ASIC2: variants seen among roughly 807,000 people sequenced by gnomAD.
The protein encoded by ASIC2 is acid sensing ion channel subunit 2.
A neutral mutation model predicts 57.3 loss-of-function variants in ASIC2; 25 were observed. That is an observed-to-expected ratio of 0.44 (90% CI 0.32 to 0.61). ASIC2 has a LOEUF of 0.61. Ranked by LOEUF, ASIC2 falls within the 20% of genes least tolerant of loss-of-function variation. The probability of loss-of-function intolerance (pLI) is 0.06; values close to 1 mark genes in which losing one functional copy is unlikely to be tolerated. For missense variants in ASIC2, 641 were observed against 738.1 expected (o/e 0.87, Z 1.52); for synonymous variants, 319 against 307.5 (o/e 1.04, Z -0.39).
chr17:33,369,768 T>G (rs2141937792), intron 1 of ASIC2, among the ~76,000 whole-genome samples: 1 of 152,336 alleles, frequency 6.6e-6, no homozygotes. Context: ...AAGCCAATAT[T>G]CTTTCCATTA....
chr17:34,088,989 C>G (rs1213234540), intron 1 of ASIC2, among the ~76,000 whole-genome samples: 2 of 152,218 alleles, frequency 1.3e-5, no homozygotes, highest in African/African-American at 2.4e-5. Flanking sequence ...TTGCGCTTCC[C>G]AAATGAGGCA....
At chr17:33,838,715 T>G (rs1913342884) in intron 1 of ASIC2, among the ~76,000 whole-genome samples, 1 of 152,180 alleles carries the variant, frequency 6.6e-6, no homozygotes, top group Admixed American at 6.5e-5. Flanking sequence ...ATCTCACACA[T>G]GCTCTGGATC....
intron 1 of ASIC2, among the ~76,000 whole-genome samples, chr17:33,269,607 C>A (rs868691969): frequency 2.6e-5 from 4 of 151,266 alleles, no homozygotes; most frequent in Admixed American, 6.6e-5. Context: ...AACCTAAGGG[C>A]TCCTTCCCTT....
At chr17:33,744,373 A>G (rs1291981571) in intron 1 of ASIC2, among the ~76,000 whole-genome samples, 1 of 152,240 alleles carries the variant, frequency 6.6e-6, no homozygotes, top group Non-Finnish European at 1.5e-5. Flanking sequence ...GTGTAATACC[A>G]AATCAGGAAG....
chr17:34,037,646 G>A (rs543393011), intron 1 of ASIC2: 32 of 1,609,134 alleles, frequency 2.0e-5, no homozygotes, highest in Admixed American at 1.0e-4. Flanking sequence ...GTTATTGGAC[G>A]CCCCAGAGGT....
At chr17:33,574,120 TAACTA>T (rs1916542508) in intron 1 of ASIC2, among the ~76,000 whole-genome samples, 1 of 152,224 alleles carries the variant, frequency 6.6e-6, no homozygotes, top group African/African-American at 2.4e-5. Context: ...ATCTTTGACT[TAACTA>T]AATAATACCG....
chr17:33,689,863 G>A (rs896072253), intron 1 of ASIC2, among the ~76,000 whole-genome samples: 1 of 152,204 alleles, frequency 6.6e-6, no homozygotes, highest in Admixed American at 6.5e-5. Context: ...AGCCAAGGAA[G>A]CTAAGTTGTG....
intron 1 of ASIC2, among the ~76,000 whole-genome samples, chr17:34,023,644 G>A (rs765908217): frequency 6.6e-5 from 10 of 152,118 alleles, no homozygotes; most frequent in Non-Finnish European, 1.2e-4. Flanking sequence ...TCCTCACCAT[G>A]TGAGGACCTC....
chr17:33,263,700 A>G (rs1909364078), intron 1 of ASIC2, among the ~76,000 whole-genome samples: 2 of 152,304 alleles, frequency 1.3e-5, no homozygotes, highest in Admixed American at 1.3e-4. Context: ...GTGTGCCTTC[A>G]TTACCCAGCC....
chr17:33,190,717 A>G (rs750966247), intron 1 of ASIC2, among the ~76,000 whole-genome samples: 3 of 152,216 alleles, frequency 2.0e-5, no homozygotes, highest in Non-Finnish European at 4.4e-5. Flanking sequence ...AAGTTGATCT[A>G]CATGAATAAC....
chr17:33,502,199 A>C (rs1435616487), intron 1 of ASIC2, among the ~76,000 whole-genome samples: 1 of 152,292 alleles, frequency 6.6e-6, no homozygotes, highest in Non-Finnish European at 1.5e-5. Flanking sequence ...GTGATTCTCT[A>C]TAAAAAGGGG....
chr17:34,106,219 T>C (rs77778343), intron 1 of ASIC2, among the ~76,000 whole-genome samples: 2,415 of 152,310 alleles, frequency 0.016, 73 homozygotes, highest in African/African-American at 0.055. Context: ...ATACACAATG[T>C]CCATCTTCCC....
At chr17:33,761,536 A>C (rs1994662) in intron 1 of ASIC2, among the ~76,000 whole-genome samples, 51,671 of 152,014 alleles carry the variant, frequency 0.34, 10,697 homozygotes, top group Non-Finnish European at 0.49. Flanking sequence ...CCAGTCCCAA[A>C]TGGAATGGAG....
At chr17:33,133,138 C>T (rs2092353976) in intron 1 of ASIC2, among the ~76,000 whole-genome samples, 1 of 152,162 alleles carries the variant, frequency 6.6e-6, no homozygotes, top group African/African-American at 2.4e-5. Context: ...TCAGCTCTCA[C>T]CTGAGCGATC....
intron 1 of ASIC2, among the ~76,000 whole-genome samples, chr17:33,436,062 G>C (rs1415569400): frequency 6.6e-6 from 1 of 152,266 alleles, no homozygotes. Context: ...TGATGACAGT[G>C]AGAAAAACCT....
intron 1 of ASIC2, among the ~76,000 whole-genome samples, chr17:33,498,516 G>T (rs1389574080): frequency 1.3e-5 from 2 of 152,208 alleles, no homozygotes; most frequent in Admixed American, 1.3e-4. Context: ...TGAGGGAAGA[G>T]CAGGGGAGCC....
intron 1 of ASIC2, among the ~76,000 whole-genome samples, chr17:34,103,958 T>C (rs370936924): frequency 6.6e-6 from 1 of 152,206 alleles, no homozygotes; most frequent in Non-Finnish European, 1.5e-5. Context: ...TCCATATAAA[T>C]TCTAGAATTG....
chr17:34,013,462 T>C (rs550913011), intron 1 of ASIC2, among the ~76,000 whole-genome samples: 4 of 152,156 alleles, frequency 2.6e-5, no homozygotes, highest in Non-Finnish European at 5.9e-5. Context: ...ATAAGACCCT[T>C]GAGGAGAGAG....
In ASIC2 at chr17:33,443,624, G is replaced by A. The variant is rs1911909383; in HGVS notation, c.556-331557C>T. On this transcript the variant is annotated intron_variant, in intron 1 of 9. Coordinates refer to the ASIC2 transcript ENST00000359872. ...GTAGAGACGGGGTTTCACCGTTTTAGCCGGGATGGTCTCGATCTCCTGACC... is the reference window on the plus strand; with the variant it reads ...GTAGAGACGGGGTTTCACCGTTTTAACCGGGATGGTCTCGATCTCCTGACC... 2.0e-5 allele frequency among the ~76,000 whole-genome samples: 3 copies of A among 150,858 alleles called. No individual in the cohort carries two copies. In the South Asian group the frequency reaches 6.3e-4, roughly 32 times the overall value.
Sources: gnomAD v4.1 joint callset for allele counts (sites outside exome capture counted in the v4.1 genomes callset) on GRCh38, gnomAD v4.1.1 for gene constraint, MANE v1.5 for transcripts, NCBI Gene and HGNC (gene_info 2026-07-23, HGNC 2026-07-21) for gene names.